NBEA: variants seen among roughly 807,000 people sequenced by gnomAD.
NBEA encodes lysosomal-trafficking regulator 2.
In NBEA, 44 loss-of-function variants were observed where a neutral mutation model predicts 343.4. The observed-to-expected ratio is 0.13, with a 90% confidence interval of 0.10 to 0.16. The LOEUF is 0.16. NBEA is among the 10% of genes least tolerant of loss of function. The pLI is 1.00. For synonymous variants in NBEA, 1,175 were observed against 1,238.7 expected, an observed-to-expected ratio of 0.95 and a Z score of 1.08; for missense variants, 2,555 against 3,631.3, an observed-to-expected ratio of 0.70 and a Z score of 7.62.
intron 38 of NBEA, among the ~76,000 whole-genome samples, chr13:35,404,017 C>T (rs1471618094): frequency 2.8e-5 from 2 of 72,210 alleles, no homozygotes. Context: ...TCATCACTGG[C>T]CATCAGAGAA....
At chr13:35,504,805 T>TA (rs1179531342) in intron 41 of NBEA, among the ~76,000 whole-genome samples, 1 of 152,028 alleles carries the variant, frequency 6.6e-6, no homozygotes, top group Admixed American at 6.6e-5. Flanking sequence ...ACAGAGGTCT[T>TA]ACTATGTTGT....
At position 35,550,942 on chromosome 13, in the gene NBEA, T is replaced by G. The variant is rs1423474578; in HGVS notation, c.6716T>G (p.Phe2239Cys). The part of the protein sequence containing the change: ...VFMANRTSVM[F>C]NFPDQATVKK... ...CTTCTTACCACAGCCTCAGTTATGT[T>G]TAATTTCCCTGATCAAGCAACAGTA... Residue 2239 changes from phenylalanine to cysteine, a missense_variant, in exon 43 of 59, where the codon TTT (phenylalanine) becomes TGT (cysteine). By Grantham distance (205) the Phe-to-Cys change is radical. Transcript: ENST00000379939. The G allele has an allele frequency of 6.2e-7, 1 of 1,605,370 alleles. No individual in the cohort carries two copies. Among genetic ancestry groups the G allele is most frequent in the Non-Finnish European group, 8.5e-7 (1 of 1,173,290 alleles).
intron 2 of NBEA, among the ~76,000 whole-genome samples, chr13:35,042,599 A>ATGAT (rs1414375922): frequency 6.6e-6 from 1 of 151,874 alleles, no homozygotes; most frequent in African/African-American, 2.4e-5. Context: ...GACAGTGAAG[A>ATGAT]TGATTGTACC....
chr13:35,342,297 A>G (rs2152857538), intron 36 of NBEA, among the ~76,000 whole-genome samples: 1 of 152,220 alleles, frequency 6.6e-6, no homozygotes, highest in South Asian at 2.1e-4. Flanking sequence ...CAAGATAGTG[A>G]GTATACTAAA....
chr13:35,138,911 G>C (rs1038858773), intron 17 of NBEA, among the ~76,000 whole-genome samples: 2 of 151,656 alleles, frequency 1.3e-5, no homozygotes, highest in African/African-American at 4.8e-5. Context: ...TGTCATATAT[G>C]GATTTATATG....
At chr13:35,205,631 G>C (rs2073339461) in intron 31 of NBEA, among the ~76,000 whole-genome samples, 1 of 152,040 alleles carries the variant, frequency 6.6e-6, no homozygotes, top group Admixed American at 6.6e-5. Context: ...ACACGTATGA[G>C]ATATGACAAT....
intron 38 of NBEA, among the ~76,000 whole-genome samples, chr13:35,379,054 A>AT (rs1450812630): frequency 6.6e-6 from 1 of 151,960 alleles, no homozygotes; most frequent in African/African-American, 2.4e-5. Flanking sequence ...ATTATGAATA[A>AT]TGTTGCTCTG....
intron 1 of NBEA, among the ~76,000 whole-genome samples, chr13:35,028,798 G>C (rs1384947476): frequency 2.7e-5 from 4 of 149,570 alleles, no homozygotes; most frequent in Non-Finnish European, 5.9e-5. Context: ...CCTCATCTTT[G>C]GTAACTCTAA....
At chr13:35,209,897 G>T (rs1354074352) in intron 32 of NBEA, among the ~76,000 whole-genome samples, 1 of 151,994 alleles carries the variant, frequency 6.6e-6, no homozygotes, top group African/African-American at 2.4e-5. Flanking sequence ...ACCATCTATT[G>T]TTTACCTGTA....
At chr13:35,183,728 G>A (rs1240227185) in intron 29 of NBEA, among the ~76,000 whole-genome samples, 3 of 151,766 alleles carry the variant, frequency 2.0e-5, no homozygotes, top group Non-Finnish European at 2.9e-5. Context: ...TAATAGTATA[G>A]TGAACCTTCT....
At chr13:35,084,435 A>C (rs2064614155) in intron 10 of NBEA, among the ~76,000 whole-genome samples, 1 of 152,176 alleles carries the variant, frequency 6.6e-6, no homozygotes, top group South Asian at 2.1e-4. Context: ...AACTCACTCA[A>C]AACCGCTCAA....
chr13:34,993,682 A>G (rs1233722923), intron 1 of NBEA, among the ~76,000 whole-genome samples: 1 of 152,194 alleles, frequency 6.6e-6, no homozygotes, highest in Non-Finnish European at 1.5e-5. Context: ...TGGTTACAAC[A>G]TAGAGTAGTG....
intron 17 of NBEA, among the ~76,000 whole-genome samples, chr13:35,134,995 G>A (rs2152688831): frequency 6.6e-6 from 1 of 152,024 alleles, no homozygotes; most frequent in African/African-American, 2.4e-5. Flanking sequence ...TATATTTTAT[G>A]TGTTCATTCA....
At chr13:35,168,887 A>G (rs1419623396) in intron 24 of NBEA, 100 bp from the exon 25 acceptor site, 1 of 785,724 alleles carries the variant, frequency 1.3e-6, no homozygotes, top group East Asian at 3.2e-5. Flanking sequence ...TAAATATATT[A>G]TTTTGTGTTT....
chr13:35,430,235 G>C (rs1232479574), intron 38 of NBEA, among the ~76,000 whole-genome samples: 1 of 151,940 alleles, frequency 6.6e-6, no homozygotes. Context: ...TTCTTTCATA[G>C]GTTTGTTGGC....
At chr13:35,247,915 A>G (rs1359200827) in intron 34 of NBEA, among the ~76,000 whole-genome samples, 1 of 152,226 alleles carries the variant, frequency 6.6e-6, no homozygotes, top group African/African-American at 2.4e-5. Flanking sequence ...GTAAAAAATG[A>G]AAGAGTAGGC....
chr13:35,052,009 T>C (rs946737035), intron 6 of NBEA, among the ~76,000 whole-genome samples: 5 of 152,054 alleles, frequency 3.3e-5, no homozygotes, highest in Non-Finnish European at 7.4e-5. Context: ...CTGTTCACTT[T>C]TGGAAAACAC....
rs956325102 is a variant in NBEA at position 35,475,030 on chromosome 13, A to G, written c.6585+2494A>G. 5.0e-6 allele frequency: 8 copies of G among 1,595,120 alleles called. No homozygotes were observed. The African/African-American group carries it at 8.1e-5, about 16-fold the overall frequency. On this transcript the variant is annotated intron_variant, in intron 41 of 58. Transcript: ENST00000379939. ...CTTAATAAGGACTTTGAGAAGGGTA[A>G]TAATTTCGGCTCTTGATTAAATCAT...
At chr13:35,356,094 A>G (rs541947565) in intron 38 of NBEA, among the ~76,000 whole-genome samples, 1 of 152,290 alleles carries the variant, frequency 6.6e-6, no homozygotes, top group Non-Finnish European at 1.5e-5. Context: ...TGAATAAATT[A>G]ATGAATAAAC....
Sources: allele counts gnomAD v4.1 joint callset (sites outside exome capture counted in the v4.1 genomes callset), GRCh38; gene constraint gnomAD v4.1.1; transcripts MANE v1.5; gene names NCBI Gene and HGNC (gene_info 2026-07-23, HGNC 2026-07-21).